AGAP1: variants seen among roughly 807,000 people sequenced by gnomAD.
The protein encoded by AGAP1 is arf-GAP with GTPase, ANK repeat and PH domain-containing protein 1.
AGAP1 carries 29 observed loss-of-function variants against 105.3 expected under a neutral mutation model. That is an observed-to-expected ratio of 0.28 (90% confidence interval 0.21 to 0.38). AGAP1 has a LOEUF of 0.38. AGAP1 is among the 10% of genes least tolerant of loss of function. The probability of loss-of-function intolerance (pLI) is 1.00; values close to 1 mark genes in which losing one functional copy is unlikely to be tolerated. For missense variants in AGAP1, 998 were observed against 1,165.1 expected, an observed-to-expected ratio of 0.86 and a Z score of 2.09; for synonymous variants, 509 against 485.9, an observed-to-expected ratio of 1.05 and a Z score of -0.63.
Position 235,855,681 on chromosome 2 carries a change from C to T in AGAP1, c.1051-27664C>T, listed in dbSNP as rs1433304214. On this transcript the variant is annotated intron_variant, in intron 9 of 17. Transcript: ENST00000304032. The surrounding 1 kb of genome is among the most constrained non-coding windows in gnomAD (Gnocchi z 5.0). Reference sequence around the variant, plus strand: ...CCACTGTGCTGGGAAGACCGAGAGGCTGAGCAGCAGCTCCACTGAATTCAA... The same window carrying T: ...CCACTGTGCTGGGAAGACCGAGAGGTTGAGCAGCAGCTCCACTGAATTCAA... 6.6e-6 allele frequency among the ~76,000 whole-genome samples: 1 copy of T among 152,172 alleles called. No homozygotes were observed. The highest frequency in any genetic ancestry group is 1.5e-5 in the Non-Finnish European group (1 of 68,048).
chr2:235,763,900 CT>C (rs1334272365), intron 6 of AGAP1, among the ~76,000 whole-genome samples: 1 of 152,184 alleles, frequency 6.6e-6, no homozygotes, highest in African/African-American at 2.4e-5. Context: ...CAGATGCGCG[CT>C]TTTGGGGTCA....
intron 11 of AGAP1, among the ~76,000 whole-genome samples, chr2:235,915,181 C>A (rs899392384): frequency 6.6e-6 from 1 of 152,126 alleles, no homozygotes; most frequent in East Asian, 1.9e-4. Context: ...TCATCTGCCT[C>A]ATCAACCCAC....
intron 1 of AGAP1, among the ~76,000 whole-genome samples, chr2:235,525,681 A>G (rs998306991): frequency 7.9e-6 from 1 of 126,520 alleles, no homozygotes; most frequent in Non-Finnish European, 1.7e-5. Context: ...ACTGATTTAT[A>G]AAGTAGAGGA....
chr2:235,543,247 C>T (rs927879833), intron 1 of AGAP1, among the ~76,000 whole-genome samples: 1 of 151,812 alleles, frequency 6.6e-6, no homozygotes, highest in Non-Finnish European at 1.5e-5. Context: ...GACTCAGTGT[C>T]GCCCACAGGT....
At chr2:236,013,756 A>T (rs1346423045) in intron 13 of AGAP1, among the ~76,000 whole-genome samples, 2 of 152,200 alleles carry the variant, frequency 1.3e-5, no homozygotes, top group African/African-American at 4.8e-5. Flanking sequence ...TAAACATTCC[A>T]TTCCACCTGC....
chr2:235,898,674 C>T (rs2050923240), intron 10 of AGAP1, among the ~76,000 whole-genome samples: 1 of 152,148 alleles, frequency 6.6e-6, no homozygotes, highest in Non-Finnish European at 1.5e-5. Context: ...TTATGGAGGG[C>T]TTTGGCGCTC....
intron 9 of AGAP1, among the ~76,000 whole-genome samples, chr2:235,858,722 A>G (rs1427756075): frequency 6.6e-6 from 1 of 152,234 alleles, no homozygotes; most frequent in Non-Finnish European, 1.5e-5. Context: ...GGTCCCTAGA[A>G]CATGAAAGGT....
At chr2:235,800,103 CTTT>C (rs778896992) in intron 8 of AGAP1, among the ~76,000 whole-genome samples, 1 of 138,448 alleles carries the variant, frequency 7.2e-6, no homozygotes, top group Non-Finnish European at 1.6e-5. Flanking sequence ...TGCATTGTTC[CTTT>C]TTTTTTTTTT....
intron 9 of AGAP1, among the ~76,000 whole-genome samples, chr2:235,860,411 T>C (rs2048882109): frequency 6.6e-6 from 1 of 152,190 alleles, no homozygotes; most frequent in Non-Finnish European, 1.5e-5. Flanking sequence ...GAGGATTACC[T>C]TTTTCTAACT....
In AGAP1 at chr2:236,042,326, G is replaced by C. The variant is rs145664349; in HGVS notation, c.1891+1485G>C. On this transcript the variant is annotated intron_variant, in intron 15 of 17. Transcript: ENST00000304032. The surrounding 1 kb of genome is among the most constrained non-coding windows in gnomAD (Gnocchi z 5.6). ...CAGGCAGGGGAGAGATCAAAAGTCTGTCTGCGGCCTCTCTGGAAGCCTGTC... is the reference window on the plus strand; with the variant it reads ...CAGGCAGGGGAGAGATCAAAAGTCTCTCTGCGGCCTCTCTGGAAGCCTGTC... Among the ~76,000 whole-genome samples the C allele has an allele frequency of 5.8e-3, 878 of 152,280 alleles. 8 individuals carry two copies. Among genetic ancestry groups the C allele is most frequent in the African/African-American group, 0.02 (833 of 41,566 alleles).
In AGAP1 at chr2:236,113,258, G is replaced by GC. The variant is rs34824332; in HGVS notation, c.2115-6927dup. Among the ~76,000 whole-genome samples the GC allele has an allele frequency of 2.5e-4, 38 of 152,012 alleles. No homozygotes were observed. The highest frequency in any genetic ancestry group is 7.0e-4 in the African/African-American group (29 of 41,346). On this transcript the variant is annotated intron_variant, in intron 16 of 17. Transcript: ENST00000304032. This position sits in a 1 kb window ranked among gnomAD's most constrained non-coding sequence, Gnocchi z 4.3. ...CGGGTTCAAGCAATTCTCTGCCTCA[G>GC]CCCCCCCGAGTAGCTGGGATTACAG...
rs984686701 is a variant in AGAP1, at chr2:235,992,278, A to G, written c.1645+23655A>G. 1.1e-4 allele frequency among the ~76,000 whole-genome samples: 17 copies of G among 152,130 alleles called. No individual in the cohort carries two copies. Among genetic ancestry groups the G allele is most frequent in the African/African-American group, 3.6e-4 (15 of 41,410 alleles). On this transcript the variant is annotated intron_variant, in intron 13 of 17. Coordinates refer to ENST00000304032, the MANE Select transcript of AGAP1 (RefSeq NM_001037131.3). This position sits in a 1 kb window ranked among gnomAD's most constrained non-coding sequence, Gnocchi z 4.8. ...CTTCCTGGGTTTGAGTTGCAGCTCC[A>G]CCTCTTCCTGGCGGGTGGCCTGGGC... is the stretch of plus-strand genomic sequence containing the variant.
intron 6 of AGAP1, chr2:235,776,954 C>T (rs763070397): frequency 1.7e-4 from 78 of 471,074 alleles, no homozygotes; most frequent in Non-Finnish European, 3.1e-5. Flanking sequence ...GGGCCGTGCT[C>T]ACCTTTGCTT....
rs2125301905 is a variant in AGAP1, at chr2:235,958,908, C to T, written c.1484-9554C>T. On this transcript the variant is annotated intron_variant, in intron 12 of 17. Coordinates refer to ENST00000304032, the MANE Select transcript of AGAP1 (RefSeq NM_001037131.3). The surrounding 1 kb of genome is among the most constrained non-coding windows in gnomAD (Gnocchi z 4.1). ...CTTCACGTTCCGAAGCTCGGAGAGA[C>T]TGCAGATTGTGATCATTATTGCTCG... Among the ~76,000 whole-genome samples, 1 of 152,326 alleles carries T rather than the reference C, an allele frequency of 6.6e-6. No individual in the cohort carries two copies.
chr2:235,682,509 A>AT (rs936769470), intron 1 of AGAP1, among the ~76,000 whole-genome samples: 40 of 150,680 alleles, frequency 2.7e-4, no homozygotes, highest in African/African-American at 9.0e-4. Context: ...TGCCTGGTTA[A>AT]TTTTTTTTTA....
At position 236,038,846 on chromosome 2, in the gene AGAP1, TGTG is replaced by T. The variant is rs1208872835; in HGVS notation, c.1801-1904_1801-1902del. Among the ~76,000 whole-genome samples the T allele has an allele frequency of 6.8e-6, 1 of 147,174 alleles. No homozygotes were observed. Among genetic ancestry groups the T allele is most frequent in the Non-Finnish European group, 1.5e-5 (1 of 67,038 alleles). On this transcript the variant is annotated intron_variant, in intron 14 of 17. Coordinates refer to ENST00000304032, the MANE Select transcript of AGAP1 (RefSeq NM_001037131.3). The surrounding 1 kb of genome is among the most constrained non-coding windows in gnomAD (Gnocchi z 4.5). ...GTGTGTGTGTGTGTGTGTGTGTGTG[TGTG>T]ATCACACACTTGCATTCCAGATGCC...
At chr2:235,836,613 G>A (rs772554737) in intron 9 of AGAP1, among the ~76,000 whole-genome samples, 13 of 152,338 alleles carry the variant, frequency 8.5e-5, no homozygotes, top group Non-Finnish European at 1.6e-4. Flanking sequence ...CTCCTCTTGG[G>A]TTCTCAGATT....
At position 235,882,323 on chromosome 2, in the gene AGAP1, G is replaced by T; in HGVS notation, c.1051-1022G>T. On this transcript the variant is annotated intron_variant, in intron 9 of 17. Transcript: ENST00000304032. The surrounding 1 kb of genome is among the most constrained non-coding windows in gnomAD (Gnocchi z 4.6). ...CGCTCTTCCTCCACATCACAACTGGGGTCTTAAGGATGACGAGGGCAGGAA... is the reference window on the plus strand; with the variant it reads ...CGCTCTTCCTCCACATCACAACTGGTGTCTTAAGGATGACGAGGGCAGGAA... The T allele has an allele frequency of 1.1e-6, 1 of 890,336 alleles. No individual in the cohort carries two copies. The highest frequency in any genetic ancestry group is 1.7e-6 in the Non-Finnish European group (1 of 576,966). The allele number at this position is 890,336 out of a possible 1,614,324, so 55.2% of individuals were successfully genotyped here.
In AGAP1 at chr2:235,636,481, ACC is replaced by A. The variant is rs142812815; in HGVS notation, c.164-72696_164-72695del. Among the ~76,000 whole-genome samples, 372 of 152,266 alleles carry A rather than the reference ACC, an allele frequency of 2.4e-3. 4 individuals are homozygous for A. The highest frequency in any genetic ancestry group is 8.5e-3 in the African/African-American group (352 of 41,556). On this transcript the variant is annotated intron_variant, in intron 1 of 17. Transcript: ENST00000304032. ...AGGGAAGTTGGCTATCTGGTCTCGA[ACC>A]CTCAGTCACTGTCAGGGACGGCAGA...
Sources: gnomAD v4.1 joint callset for allele counts (sites outside exome capture counted in the v4.1 genomes callset) on GRCh38, gnomAD v4.1.1 for gene constraint, Gnocchi (gnomAD v3.1) non-coding constraint, MANE v1.5 for transcripts, NCBI Gene and HGNC (gene_info 2026-07-23, HGNC 2026-07-21) for gene names.